NCAM1: variants seen among roughly 807,000 people sequenced by gnomAD.
NCAM1 encodes antigen recognized by monoclonal antibody 5.1H11.
Under a neutral mutation model 109.8 loss-of-function variants are expected in NCAM1, and 14 were observed. The observed-to-expected ratio is 0.13, with a 90% CI of 0.08 to 0.20. NCAM1 has a LOEUF of 0.20. Ranked by LOEUF, NCAM1 falls within the 10% of genes least tolerant of loss-of-function variation. NCAM1 has a pLI of 1.00. For synonymous variants in NCAM1, 418 were observed against 442.9 expected, an observed-to-expected ratio of 0.94 and a Z score of 0.70; for missense variants, 774 against 1,109.9, an observed-to-expected ratio of 0.70 and a Z score of 4.30.
chr11:112,999,728 G>A (rs1951692974), intron 1 of NCAM1, among the ~76,000 whole-genome samples: 1 of 151,944 alleles, frequency 6.6e-6, no homozygotes, highest in South Asian at 2.1e-4. Flanking sequence ...AATCACATTC[G>A]AGCCATGTTT....
At chr11:113,076,933 A>T (rs1555086237) in intron 1 of NCAM1, among the ~76,000 whole-genome samples, 2 of 152,358 alleles carry the variant, frequency 1.3e-5, no homozygotes, top group East Asian at 3.9e-4. Flanking sequence ...CAAGAATATG[A>T]TTCAATTTGA....
In NCAM1 at chr11:113,233,364, G is replaced by T; in HGVS notation, c.1693+47G>T. The T allele has an allele frequency of 6.4e-7, 1 of 1,562,080 alleles. No individual in the cohort carries two copies. Among genetic ancestry groups the T allele is most frequent in the Non-Finnish European group, 8.7e-7 (1 of 1,148,430 alleles). On this transcript the variant is annotated intron_variant, in intron 13 of 19. Transcript: ENST00000316851. This position sits in a 1 kb window ranked among gnomAD's most constrained non-coding sequence, Gnocchi z 4.5. Reference sequence around the variant, plus strand: ...TTCCATTGGGATCATGAGTGCCTCAGTACTCAGATGTCCCCACCTGCCATC... The same window carrying T: ...TTCCATTGGGATCATGAGTGCCTCATTACTCAGATGTCCCCACCTGCCATC...
At chr11:113,104,377 A>G (rs932557793) in intron 1 of NCAM1, among the ~76,000 whole-genome samples, 1 of 151,334 alleles carries the variant, frequency 6.6e-6, no homozygotes, top group Admixed American at 6.6e-5. Flanking sequence ...TTTTTTTTCT[A>G]TTACAAGAAA....
At chr11:113,268,762 C>T (rs541513732) in intron 17 of NCAM1, among the ~76,000 whole-genome samples, 1 of 152,328 alleles carries the variant, frequency 6.6e-6, no homozygotes, top group Non-Finnish European at 1.5e-5. Context: ...TACATGTTCC[C>T]TCCACTATCT....
intron 17 of NCAM1, among the ~76,000 whole-genome samples, chr11:113,268,469 G>A (rs1356519677): frequency 6.6e-6 from 1 of 152,236 alleles, no homozygotes; most frequent in Non-Finnish European, 1.5e-5. Flanking sequence ...TGGGAGGCAA[G>A]CCAAGGTCCC....
Position 113,235,086 on chromosome 11 carries a change from G to T in NCAM1, c.1747G>T (p.Ala583Ser). Residue 583 changes from alanine (A) to serine (S), a missense_variant, in exon 14 of 20, where the codon GCC (alanine) becomes TCC (serine). By Grantham distance (99) the Ala-to-Ser change is moderately conservative (BLOSUM62 1). Transcript: ENST00000316851. Reference sequence around the variant, plus strand: ...GGGCCTGAAGCCCGAAACAACGTACGCCGTAAGGCTGGCGGCGCTCAATGG... The same window carrying T: ...GGGCCTGAAGCCCGAAACAACGTACTCCGTAAGGCTGGCGGCGCTCAATGG... ...IVGLKPETTY[A>S]VRLAALNGKG... is the part of the protein sequence containing the mutation. 1.3e-6 allele frequency: 2 copies of T among 1,596,634 alleles called. No homozygotes were observed. The highest frequency in any genetic ancestry group is 1.7e-6 in the Non-Finnish European group (2 of 1,171,472).
chr11:113,132,774 A>G (rs1941448666), intron 1 of NCAM1, among the ~76,000 whole-genome samples: 1 of 151,956 alleles, frequency 6.6e-6, no homozygotes, highest in African/African-American at 2.4e-5. Flanking sequence ...CAGCAAAGCT[A>G]TTACAGGAAT....
intron 16 of NCAM1, 171 bp from the exon 17 acceptor site, chr11:113,259,975 G>T: frequency 1.7e-6 from 1 of 574,396 alleles, no homozygotes; most frequent in African/African-American, 1.9e-5. Flanking sequence ...AGGTGGCTAG[G>T]ATTATAGGCA....
At chr11:113,046,531 C>T (rs1394623885) in intron 1 of NCAM1, among the ~76,000 whole-genome samples, 6 of 152,166 alleles carry the variant, frequency 3.9e-5, no homozygotes, top group Non-Finnish European at 8.8e-5. Context: ...CTCTTTTCAA[C>T]AGGAGGGCCA....
chr11:113,259,389 A>G, intron 16 of NCAM1, among the ~76,000 whole-genome samples: 1 of 152,228 alleles, frequency 6.6e-6, no homozygotes, highest in Non-Finnish European at 1.5e-5. Flanking sequence ...TCTACACAGT[A>G]TTCACACATC....
intron 1 of NCAM1, among the ~76,000 whole-genome samples, chr11:112,985,292 T>C (rs2134732066): frequency 6.6e-6 from 1 of 151,952 alleles, no homozygotes; most frequent in East Asian, 1.9e-4. Flanking sequence ...TTTTGATTAT[T>C]ATCACTTTGT....
chr11:113,157,592 C>G (rs1555103683), intron 1 of NCAM1, among the ~76,000 whole-genome samples: 1 of 152,164 alleles, frequency 6.6e-6, no homozygotes, highest in African/African-American at 2.4e-5. Flanking sequence ...CTACACATTA[C>G]TGAGGACCCC....
chr11:113,043,412 A>G (rs1953147367), intron 1 of NCAM1, among the ~76,000 whole-genome samples: 1 of 152,070 alleles, frequency 6.6e-6, no homozygotes, highest in Non-Finnish European at 1.5e-5. Flanking sequence ...ATCCTGGGTC[A>G]CTGTAAACTC....
chr11:112,993,411 ATC>A (rs1164385583), intron 1 of NCAM1, among the ~76,000 whole-genome samples: 1 of 152,210 alleles, frequency 6.6e-6, no homozygotes, highest in Non-Finnish European at 1.5e-5. Context: ...CTGCTCCATG[ATC>A]CAAGCATCTT....
At chr11:112,977,092 A>C (rs553286918) in intron 1 of NCAM1, among the ~76,000 whole-genome samples, 24 of 134,860 alleles carry the variant, frequency 1.8e-4, no homozygotes, top group African/African-American at 6.2e-4. Context: ...GTATCAGATA[A>C]GTTTGCTTTT....
At chr11:113,219,102 G>A (rs1316006725) in intron 8 of NCAM1, among the ~76,000 whole-genome samples, 1 of 152,168 alleles carries the variant, frequency 6.6e-6, no homozygotes, top group Non-Finnish European at 1.5e-5. Flanking sequence ...ACTGACAAAG[G>A]CCTATGAAGC....
chr11:113,186,282 A>G (rs1387183685), intron 1 of NCAM1, among the ~76,000 whole-genome samples: 2 of 152,152 alleles, frequency 1.3e-5, no homozygotes, highest in African/African-American at 4.8e-5. Context: ...TTAGATTCTC[A>G]TAGAAGTGCG....
chr11:113,156,106 G>C (rs1591372810), intron 1 of NCAM1, among the ~76,000 whole-genome samples: 1 of 152,184 alleles, frequency 6.6e-6, no homozygotes, highest in African/African-American at 2.4e-5. Flanking sequence ...AACATATTTT[G>C]AGTTGATAAT....
At chr11:113,227,280 A>AAAGGGGATATCACCACTGATC (rs1944879931) in intron 9 of NCAM1, among the ~76,000 whole-genome samples, 1 of 150,816 alleles carries the variant, frequency 6.6e-6, no homozygotes, top group African/African-American at 2.5e-5. Context: ...AATACAAACT[A>AAAGGGGATATCACCACTGATC]CCATCAGAGA....
Sources: gnomAD v4.1 joint callset for allele counts (sites outside exome capture counted in the v4.1 genomes callset) on GRCh38, gnomAD v4.1.1 for gene constraint, Gnocchi (gnomAD v3.1) non-coding constraint, MANE v1.5 for transcripts, NCBI Gene and HGNC (gene_info 2026-07-23, HGNC 2026-07-21) for gene names.